The following CERKL variants were observed in gnomAD, a reference collection of about 807,000 sequenced individuals.
The protein encoded by CERKL is ceramide kinase-like protein.
A neutral mutation model predicts 63.4 loss-of-function variants in CERKL; 61 were observed. The ratio of observed to expected loss-of-function variants is 0.96; its 90% CI spans 0.78 to 1.19. CERKL has a LOEUF of 1.19. Ranked by LOEUF, CERKL falls within the 50% of genes most tolerant of loss-of-function variation. The probability of loss-of-function intolerance (pLI) is 0.00; values close to 1 mark genes in which losing one functional copy is unlikely to be tolerated. For synonymous variants in CERKL, 250 were observed against 230.5 expected (o/e 1.08, Z -0.77); for missense variants, 675 against 655.5 (o/e 1.03, Z -0.33).
intron 4 of CERKL, among the ~76,000 whole-genome samples, chr2:181,564,377 CACTT>C (rs1688575533): frequency 6.6e-6 from 1 of 152,090 alleles, no homozygotes; most frequent in African/African-American, 2.4e-5. Context: ...AGTTTAGAAA[CACTT>C]ACATAACTCA....
At position 181,604,076 on chromosome 2, in the gene CERKL, T is replaced by C; in HGVS notation, c.242A>G (p.Asp81Gly). The C allele has an allele frequency of 1.3e-6, 2 of 1,593,644 alleles. No individual in the cohort carries two copies. Among genetic ancestry groups the C allele is most frequent in the South Asian group, 2.2e-5 (2 of 90,560 alleles). The change falls in exon 2 of 13, where the codon GAT (aspartate) becomes GGT (glycine). Residue 81 changes from aspartate to glycine, a missense_variant. Asp to Gly is a moderately conservative substitution (Grantham distance 94, BLOSUM62 -1). Transcript: ENST00000410087. The stretch of plus-strand genomic sequence containing the variant: ...TTTACATAGCAAGTCATACTTAGAA[T>C]CACCTGAAAAAAAAATAAATTTTCC... ...RPIQPERPAG[D>G]SKYDLLCKEE...
intron 1 of CERKL, among the ~76,000 whole-genome samples, chr2:181,612,486 A>G (rs1022550391): frequency 6.6e-5 from 10 of 152,150 alleles, no homozygotes; most frequent in African/African-American, 2.4e-4. Context: ...AGAACTTCAT[A>G]TAAATGTAAC....
At chr2:181,555,678 C>T (rs1688170906) in intron 5 of CERKL, among the ~76,000 whole-genome samples, 1 of 148,816 alleles carries the variant, frequency 6.7e-6, no homozygotes, top group African/African-American at 2.5e-5. Flanking sequence ...AAATATTTTG[C>T]TTTTTTAGTG....
In CERKL at chr2:181,558,468, T is replaced by G; in HGVS notation, c.820+98A>C. Reference sequence around the variant, plus strand: ...TGCCAGAAGTCTGGATCTTTCAAAGTCTGTTCATTAATTCTGTGTTGTGCT... The same window carrying G: ...TGCCAGAAGTCTGGATCTTTCAAAGGCTGTTCATTAATTCTGTGTTGTGCT... On this transcript the variant is annotated intron_variant, in intron 5 of 12. Coordinates refer to ENST00000410087, the MANE Select transcript of CERKL (RefSeq NM_201548.5). This position sits in a 1 kb window ranked among gnomAD's most constrained non-coding sequence, Gnocchi z 4.2. The G allele has an allele frequency of 7.5e-7, 1 of 1,333,184 alleles. No homozygotes were observed. Among genetic ancestry groups the G allele is most frequent in the Non-Finnish European group, 1.1e-6 (1 of 936,062 alleles). 82.6% of individuals were successfully genotyped at this position (1,333,184 alleles called of 1,614,324 possible).
chr2:181,617,569 T>C (rs1686252729), intron 1 of CERKL: 1 of 152,202 alleles, frequency 6.6e-6, no homozygotes, highest in East Asian at 1.9e-4. Context: ...CTCAAAGAAT[T>C]TTCTGATGAG....
At chr2:181,574,114 A>G (rs1429664133) in intron 2 of CERKL, among the ~76,000 whole-genome samples, 1 of 152,222 alleles carries the variant, frequency 6.6e-6, no homozygotes, top group Admixed American at 6.5e-5. Context: ...TTAGAACAAT[A>G]TATTTAATTT....
At chr2:181,599,038 C>A (rs545211072) in intron 2 of CERKL, among the ~76,000 whole-genome samples, 14 of 152,244 alleles carry the variant, frequency 9.2e-5, no homozygotes, top group Non-Finnish European at 1.5e-4. Context: ...TGGATCCTAA[C>A]CAAGTTGAAA....
rs543829022 is a variant in CERKL at position 181,626,580 on chromosome 2, G to A, written c.239-22501C>T. Reference sequence around the variant, plus strand: ...AAACAAGTTGTCCATTTAAGAACCCGACCAAGAAGCCAAACCTCTAATGAG... The same window carrying A: ...AAACAAGTTGTCCATTTAAGAACCCAACCAAGAAGCCAAACCTCTAATGAG... On this transcript the variant is annotated intron_variant, in intron 1 of 12. Coordinates refer to ENST00000410087, the MANE Select transcript of CERKL (RefSeq NM_201548.5). Among the ~76,000 whole-genome samples, 6 of 152,140 alleles carry A rather than the reference G, an allele frequency of 3.9e-5. No homozygotes were observed. In the South Asian group the frequency reaches 8.3e-4, roughly 21 times the overall value.
intron 1 of CERKL, among the ~76,000 whole-genome samples, chr2:181,651,406 AC>A (rs1320915854): frequency 6.6e-6 from 1 of 152,244 alleles, no homozygotes; most frequent in African/African-American, 2.4e-5. Flanking sequence ...ATACACATTA[AC>A]AAAGACAAAA....
chr2:181,585,952 C>T (rs1009078621), intron 2 of CERKL, among the ~76,000 whole-genome samples: 9 of 152,134 alleles, frequency 5.9e-5, no homozygotes, highest in African/African-American at 2.2e-4. Flanking sequence ...CACAGAGCTT[C>T]ATCATCTCAC....
chr2:181,638,090 AGCTTAG>A (rs568972456), intron 1 of CERKL, among the ~76,000 whole-genome samples: 2 of 152,300 alleles, frequency 1.3e-5, no homozygotes, highest in African/African-American at 4.8e-5. Flanking sequence ...CAATGTGAAA[AGCTTAG>A]GCCTGCACTT....
At chr2:181,621,482 T>C (rs1341955110) in intron 1 of CERKL, among the ~76,000 whole-genome samples, 1 of 152,182 alleles carries the variant, frequency 6.6e-6, no homozygotes, top group Non-Finnish European at 1.5e-5. Flanking sequence ...TTAAATTGAT[T>C]CAAAGAGTCT....
intron 1 of CERKL, among the ~76,000 whole-genome samples, chr2:181,653,911 G>A (rs1181327439): frequency 1.3e-5 from 2 of 152,128 alleles, no homozygotes; most frequent in Admixed American, 1.3e-4. Context: ...TCTTTTGAAT[G>A]TTCTAACCCA....
At chr2:181,567,636 A>G (rs1369146819) in intron 3 of CERKL, among the ~76,000 whole-genome samples, 1 of 152,174 alleles carries the variant, frequency 6.6e-6, no homozygotes, top group African/African-American at 2.4e-5. Context: ...CTGACTATCT[A>G]CATCTATAAA....
intron 3 of CERKL, among the ~76,000 whole-genome samples, chr2:181,568,162 A>G (rs1023953404): frequency 1.3e-5 from 2 of 152,114 alleles, no homozygotes; most frequent in Non-Finnish European, 2.9e-5. Context: ...TGATGAGAAA[A>G]TCACCTGAAA....
chr2:181,625,784 T>C (rs753921006), intron 1 of CERKL, among the ~76,000 whole-genome samples: 6 of 152,202 alleles, frequency 3.9e-5, no homozygotes, highest in Non-Finnish European at 7.4e-5. Flanking sequence ...CGAATATTTG[T>C]TTAATCTCTA....
intron 12 of CERKL, among the ~76,000 whole-genome samples, chr2:181,538,784 C>G (rs565725836): frequency 1.5e-4 from 23 of 152,226 alleles, no homozygotes; most frequent in Admixed American, 1.5e-3. Flanking sequence ...AGATCTTGAT[C>G]CATTTTTAAA....
intron 1 of CERKL, among the ~76,000 whole-genome samples, chr2:181,651,883 A>T (rs1421829570): frequency 1.4e-5 from 2 of 145,810 alleles, no homozygotes; most frequent in East Asian, 4.0e-4. Context: ...GTGAAAAATC[A>T]AGAAAACAAT....
At chr2:181,602,809 C>T (rs926269054) in intron 2 of CERKL, among the ~76,000 whole-genome samples, 1 of 152,168 alleles carries the variant, frequency 6.6e-6, no homozygotes, top group African/African-American at 2.4e-5. Context: ...ATCAACTATA[C>T]AAGCTGCCTC....
Sources: gnomAD v4.1 joint callset for allele counts (sites outside exome capture counted in the v4.1 genomes callset) on GRCh38, gnomAD v4.1.1 for gene constraint, Gnocchi (gnomAD v3.1) non-coding constraint, MANE v1.5 for transcripts, NCBI Gene and HGNC (gene_info 2026-07-23, HGNC 2026-07-21) for gene names.